Variants in PSAT1 observed in about 807,000 individuals in gnomAD.
The protein encoded by PSAT1 is phosphoserine aminotransferase 1.
In PSAT1, 41 loss-of-function variants were observed where a neutral mutation model predicts 40.3. The ratio of observed to expected loss-of-function variants is 1.02; its 90% CI spans 0.79 to 1.32. The LOEUF is 1.32. Among genes scored for constraint, PSAT1 ranks in the 40% most tolerant of loss-of-function variants. The probability of loss-of-function intolerance (pLI) is 0.00; values close to 1 mark genes in which losing one functional copy is unlikely to be tolerated. For missense variants in PSAT1, 406 were observed against 455.8 expected (o/e 0.89, Z 0.99); for synonymous variants, 147 against 170.5 (o/e 0.86, Z 1.07).
At chr9:78,322,443 G>A (rs567080943) in intron 7 of PSAT1, among the ~76,000 whole-genome samples, 1 of 152,206 alleles carries the variant, frequency 6.6e-6, no homozygotes, top group Admixed American at 6.5e-5. Flanking sequence ...GAACATGGGG[G>A]TGGAAGGCTC....
intron 1 of PSAT1, chr9:78,298,385 C>A: frequency 1.0e-6 from 1 of 985,144 alleles, no homozygotes; most frequent in Non-Finnish European, 1.2e-6. Flanking sequence ...GACAGAGCCT[C>A]CTCTGTGTTG....
chr9:78,321,047 A>G (rs1039161291), intron 7 of PSAT1, among the ~76,000 whole-genome samples: 2 of 152,080 alleles, frequency 1.3e-5, no homozygotes, highest in Admixed American at 6.5e-5. Flanking sequence ...AACTCCAAGC[A>G]CTAAACCTGG....
At chr9:78,321,010 T>TCC in intron 7 of PSAT1, among the ~76,000 whole-genome samples, 1 of 151,616 alleles carries the variant, frequency 6.6e-6, no homozygotes, top group East Asian at 2.0e-4. Context: ...CTCTCCTGAA[T>TCC]CCCCCCCCGC....
intron 7 of PSAT1, among the ~76,000 whole-genome samples, chr9:78,324,103 G>A (rs1351280629): frequency 6.6e-6 from 1 of 152,154 alleles, no homozygotes; most frequent in Non-Finnish European, 1.5e-5. Flanking sequence ...TGAGCAGCGT[G>A]TCTCCGAGGG....
intron 2 of PSAT1, 89 bp from the exon 3 acceptor site, chr9:78,301,865 G>A (rs1190000830): frequency 2.0e-6 from 2 of 1,010,812 alleles, no homozygotes; most frequent in African/African-American, 1.6e-5. Context: ...TCCCTGTATT[G>A]TTGTTTACTT....
intron 7 of PSAT1, 146 bp downstream of exon 7, chr9:78,317,950 CAGGGGAG>C: frequency 9.7e-7 from 1 of 1,034,238 alleles, no homozygotes. Context: ...GCCCCATGAG[CAGGGGAG>C]TGGGTGGTGA....
At chr9:78,319,320 T>C (rs937512305) in intron 7 of PSAT1, among the ~76,000 whole-genome samples, 1 of 152,212 alleles carries the variant, frequency 6.6e-6, no homozygotes, top group Non-Finnish European at 1.5e-5. Context: ...GTTGCCTGTT[T>C]CTGTGAGCTC....
chr9:78,298,259 C>T lies in PSAT1; in HGVS notation c.60+989C>T. On this transcript the variant is annotated intron_variant, in intron 1 of 8. Coordinates refer to ENST00000376588, the MANE Select transcript of PSAT1 (RefSeq NM_058179.4). ...GCCCATTGTCAGGCGGCTGCCGCCG[C>T]CGTTAGATTTTTATTTTTCTAACCA... 2.0e-6 allele frequency: 2 copies of T among 985,240 alleles called. 1 individual carries two copies. Among genetic ancestry groups the T allele is most frequent in the Middle Eastern group, 1.0e-3 (2 of 1,914 alleles). The allele number at this position is 985,240 out of a possible 1,614,324, so 61.0% of individuals were successfully genotyped here. A position where few individuals can be genotyped will look rare whatever the true frequency, so the allele number is the denominator to read the frequency against.
In PSAT1 at chr9:78,324,471, C is replaced by G. The variant is rs542084788; in HGVS notation, c.870-3580C>G. Among the ~76,000 whole-genome samples the G allele has an allele frequency of 8.5e-5, 13 of 152,260 alleles. No individual in the cohort carries two copies. The East Asian group carries it at 2.3e-3, about 27-fold the overall frequency. On this transcript the variant is annotated intron_variant, in intron 7 of 8. Transcript: ENST00000376588. Reference sequence around the variant, plus strand: ...ATAGCCCACATAGCCTCTCAGTCTGCCTTGGCCCCTTCTCCTACCTCGGCC... The same window carrying G: ...ATAGCCCACATAGCCTCTCAGTCTGGCTTGGCCCCTTCTCCTACCTCGGCC...
intron 8 of PSAT1, 94 bp downstream of exon 8, chr9:78,328,282 G>C: frequency 9.3e-6 from 14 of 1,506,056 alleles, no homozygotes; most frequent in Non-Finnish European, 1.2e-5. Context: ...GCTTAGCTTG[G>C]AGTAGCAGTT....
At chr9:78,306,291 C>G (rs781214837) in intron 4 of PSAT1, 23 bp from the exon 5 acceptor site, 84 of 1,611,848 alleles carry the variant, frequency 5.2e-5, no homozygotes, top group Non-Finnish European at 6.4e-5. Context: ...AGTGCAAAGT[C>G]TCAAACTTGT....
chr9:78,319,804 G>A (rs984130617), intron 7 of PSAT1, among the ~76,000 whole-genome samples: 2 of 152,176 alleles, frequency 1.3e-5, no homozygotes, highest in African/African-American at 2.4e-5. Context: ...GGCACTGAGG[G>A]AAGAGTGTAC....
rs1828543056 is a variant in PSAT1, at chr9:78,329,057, A to G, written c.1084A>G (p.Lys362Glu). The G allele has an allele frequency of 6.2e-7, 1 of 1,612,504 alleles. No homozygotes were observed. The highest frequency in any genetic ancestry group is 1.3e-5 in the African/African-American group (1 of 74,894). The change falls in exon 9 of 9, where the codon AAA becomes GAA. Residue 362 changes from lysine to glutamate, a missense_variant. By Grantham distance (56) the Lys-to-Glu change is moderately conservative. Transcript: ENST00000376588. ...EDVQKLAAFM[K>E]KFLEMHQL ...CGTTCAGAAGCTGGCCGCCTTCATG[A>G]AAAAATTTTTGGAGATGCATCAGCT... is the stretch of plus-strand genomic sequence containing the variant.
intron 6 of PSAT1, among the ~76,000 whole-genome samples, chr9:78,314,719 G>A (rs901553896): frequency 3.9e-5 from 6 of 152,106 alleles, no homozygotes; most frequent in Non-Finnish European, 7.4e-5. Context: ...GATCATGGGC[G>A]GCGAGTGTGA....
At chr9:78,309,284 G>C (rs922348885) in intron 6 of PSAT1, among the ~76,000 whole-genome samples, 3 of 152,218 alleles carry the variant, frequency 2.0e-5, no homozygotes, top group Non-Finnish European at 4.4e-5. Flanking sequence ...GGCCTCCCCT[G>C]CCTTCATTTC....
rs1488591230 is a variant in PSAT1, at chr9:78,304,782, G to A, written c.239G>A (p.Cys80Tyr). 1.2e-6 allele frequency: 2 copies of A among 1,614,202 alleles called. No individual in the cohort carries two copies. The highest frequency in any genetic ancestry group is 1.7e-6 in the Non-Finnish European group (2 of 1,180,036). Residue 80 changes from cysteine to tyrosine, a missense_variant, in exon 4 of 9, where the codon TGC becomes TAC. Physicochemically the swap from Cys to Tyr is radical, Grantham distance 194. Coordinates refer to ENST00000376588, the MANE Select transcript of PSAT1 (RefSeq NM_058179.4). Reference protein sequence around the residue: ...YKVIFLQGGGCGQFSAVPLNL... With the variant: ...YKVIFLQGGGYGQFSAVPLNL... ...GTGATTTTTCTGCAAGGAGGTGGGT[G>A]CGGCCAGTTCAGTGCTGTCCCCTTA...
At chr9:78,313,633 A>G (rs549906585) in intron 6 of PSAT1, among the ~76,000 whole-genome samples, 1 of 152,154 alleles carries the variant, frequency 6.6e-6, no homozygotes. Context: ...GCCTATTTTT[A>G]TTTTTTACTT....
intron 6 of PSAT1, among the ~76,000 whole-genome samples, chr9:78,311,626 A>G (rs1246474328): frequency 1.3e-5 from 2 of 151,940 alleles, no homozygotes; most frequent in Non-Finnish European, 2.9e-5. Flanking sequence ...AAGGTCAGGA[A>G]ATCGAGACCA....
intron 6 of PSAT1, among the ~76,000 whole-genome samples, chr9:78,315,027 C>T (rs1372175849): frequency 2.0e-5 from 3 of 151,892 alleles, no homozygotes; most frequent in Admixed American, 2.0e-4. Context: ...GGGAGAGGAG[C>T]AGTTGGAAGT....
Sources: allele counts gnomAD v4.1 joint callset (sites outside exome capture counted in the v4.1 genomes callset), GRCh38; gene constraint gnomAD v4.1.1; transcripts MANE v1.5; gene names NCBI Gene and HGNC (gene_info 2026-07-23, HGNC 2026-07-21).